Variants in EPHA6 observed in about 807,000 individuals in gnomAD.
EPHA6 encodes the protein ephrin type-A receptor 6.
Under a neutral mutation model 112.0 loss-of-function variants are expected in EPHA6, and 50 were observed. That is an observed-to-expected ratio of 0.45 (90% CI 0.36 to 0.56). The LOEUF (loss-of-function observed/expected upper bound fraction) is 0.56. EPHA6 is among the 20% of genes least tolerant of loss of function. The probability of loss-of-function intolerance (pLI) is 0.00; values close to 1 mark genes in which losing one functional copy is unlikely to be tolerated. For synonymous variants in EPHA6, 529 were observed against 490.7 expected (o/e 1.08, Z -1.03); for missense variants, 1,280 against 1,417.4 (o/e 0.90, Z 1.56).
chr3:97,489,011 G>C (rs549070910), intron 10 of EPHA6, among the ~76,000 whole-genome samples: 3 of 152,298 alleles, frequency 2.0e-5, no homozygotes, highest in South Asian at 4.1e-4. Flanking sequence ...TCACAGCTTT[G>C]CTACTAGCTC....
At chr3:97,380,378 T>C (rs2085655356) in intron 5 of EPHA6, among the ~76,000 whole-genome samples, 1 of 152,188 alleles carries the variant, frequency 6.6e-6, no homozygotes. Flanking sequence ...TGGAAGTCAC[T>C]GACCACTTGA....
At chr3:97,318,582 G>T (rs879632683) in intron 5 of EPHA6, among the ~76,000 whole-genome samples, 1 of 151,842 alleles carries the variant, frequency 6.6e-6, no homozygotes, top group African/African-American at 2.4e-5. Context: ...ATATTTTTCA[G>T]TTACTACCTT....
chr3:97,756,882 T>C lies in EPHA6; in HGVS notation c.*8181T>C, dbSNP rs555776521. Among the ~76,000 whole-genome samples, 76 of 152,006 alleles carry C rather than the reference T, an allele frequency of 5.0e-4. No individual in the cohort carries two copies. Among genetic ancestry groups the C allele is most frequent in the African/African-American group, 1.7e-3 (72 of 41,560 alleles). On this transcript the variant is annotated 3_prime_UTR_variant, in exon 18 of 18. Coordinates refer to ENST00000389672, the MANE Select transcript of EPHA6 (RefSeq NM_001080448.3). Reference sequence around the variant, plus strand: ...CCTTGGATTGTGACATTGAAAAACATTGAATATATACAGGATATAAATATC... The same window carrying C: ...CCTTGGATTGTGACATTGAAAAACACTGAATATATACAGGATATAAATATC...
chr3:97,039,626 GGCATTTTACTTTTA>G (rs2045243931), intron 3 of EPHA6, among the ~76,000 whole-genome samples: 1 of 151,684 alleles, frequency 6.6e-6, no homozygotes, highest in Admixed American at 6.6e-5. Flanking sequence ...CTTAATTTGG[GGCATTTTACTTTTA>G]GCTTGTAATT....
At chr3:97,539,242 G>C (rs989213415) in intron 11 of EPHA6, among the ~76,000 whole-genome samples, 2 of 150,442 alleles carry the variant, frequency 1.3e-5, no homozygotes, top group African/African-American at 4.9e-5. Context: ...TTGCCTCCCT[G>C]GTTCAAGCAA....
chr3:97,079,163 T>C (rs966026646), intron 3 of EPHA6, among the ~76,000 whole-genome samples: 1 of 152,088 alleles, frequency 6.6e-6, no homozygotes, highest in Non-Finnish European at 1.5e-5. Flanking sequence ...ATATGTTCAT[T>C]GCAACACTGT....
intron 5 of EPHA6, among the ~76,000 whole-genome samples, chr3:97,301,059 T>G (rs1576884778): frequency 6.6e-6 from 1 of 152,268 alleles, no homozygotes; most frequent in South Asian, 2.1e-4. Context: ...ATTCTCATTT[T>G]CAGCTTCTGT....
At chr3:97,058,229 G>T (rs1389409096) in intron 3 of EPHA6, among the ~76,000 whole-genome samples, 1 of 151,774 alleles carries the variant, frequency 6.6e-6, no homozygotes, top group Non-Finnish European at 1.5e-5. Flanking sequence ...TATATATAAA[G>T]CCAACCAGTG....
intron 3 of EPHA6, among the ~76,000 whole-genome samples, chr3:97,178,509 C>T (rs2076898366): frequency 6.6e-6 from 1 of 151,976 alleles, no homozygotes; most frequent in Non-Finnish European, 1.5e-5. Context: ...TGCAGTGCTC[C>T]CTTTAGCATT....
At position 97,492,688 on chromosome 3, in the gene EPHA6, A is replaced by G. The variant is rs568497770; in HGVS notation, c.2200+8629A>G. 1.1e-4 allele frequency among the ~76,000 whole-genome samples: 17 copies of G among 151,642 alleles called. 1 individual carries two copies. The South Asian group carries it at 3.6e-3, about 32-fold the overall frequency. ...GAGGAAAGAAAGGACAAGATAGATA[A>G]TAAGTGAAGAAAACATGCAAATAAA... On this transcript the variant is annotated intron_variant, in intron 10 of 17. Transcript: ENST00000389672.
At chr3:97,706,827 C>A (rs369337620) in intron 14 of EPHA6, among the ~76,000 whole-genome samples, 54 of 151,006 alleles carry the variant, frequency 3.6e-4, no homozygotes, top group African/African-American at 1.3e-3. Flanking sequence ...CTGGTACAAA[C>A]TTCTGTTAGA....
At chr3:96,993,120 T>G (rs2043275711) in intron 3 of EPHA6, among the ~76,000 whole-genome samples, 1 of 152,122 alleles carries the variant, frequency 6.6e-6, no homozygotes, top group Non-Finnish European at 1.5e-5. Flanking sequence ...GTATTTTAGA[T>G]CTGGAAGGCC....
chr3:97,654,090 T>G (rs1325355834), intron 14 of EPHA6, among the ~76,000 whole-genome samples: 1 of 151,968 alleles, frequency 6.6e-6, no homozygotes, highest in Non-Finnish European at 1.5e-5. Context: ...CTATATTGTA[T>G]GCTAGAAATT....
intron 14 of EPHA6, among the ~76,000 whole-genome samples, chr3:97,711,409 ATATAT>A (rs2033961962): frequency 1.4e-5 from 2 of 145,666 alleles, no homozygotes; most frequent in South Asian, 4.4e-4. Context: ...AACCATTAGG[ATATAT>A]ATATATATAT....
intron 4 of EPHA6, among the ~76,000 whole-genome samples, chr3:97,237,036 C>T (rs1025004944): frequency 2.0e-5 from 3 of 151,842 alleles, no homozygotes; most frequent in African/African-American, 7.3e-5. Context: ...ACCATTTTGG[C>T]CCTCTTGCTT....
intron 3 of EPHA6, among the ~76,000 whole-genome samples, chr3:97,158,769 G>A (rs1005533539): frequency 6.6e-6 from 1 of 152,122 alleles, no homozygotes; most frequent in African/African-American, 2.4e-5. Context: ...AGACAAATTG[G>A]ACCAGGGGAA....
At chr3:97,065,039 C>A (rs1267121784) in intron 3 of EPHA6, among the ~76,000 whole-genome samples, 1 of 151,908 alleles carries the variant, frequency 6.6e-6, no homozygotes, top group Non-Finnish European at 1.5e-5. Context: ...AATTTGCTGC[C>A]GATAGAAAAT....
chr3:97,495,417 T>C (rs1355185363), intron 10 of EPHA6, among the ~76,000 whole-genome samples: 1 of 151,752 alleles, frequency 6.6e-6, no homozygotes, highest in Non-Finnish European at 1.5e-5. Context: ...TACTAGAATA[T>C]ATGATATATT....
intron 3 of EPHA6, among the ~76,000 whole-genome samples, chr3:97,065,230 G>A (rs548585609): frequency 1.1e-3 from 165 of 152,108 alleles, no homozygotes; most frequent in African/African-American, 3.8e-3. Context: ...TCTTTAAAGG[G>A]ATTTAGCTAT....
Sources: allele counts gnomAD v4.1 joint callset (sites outside exome capture counted in the v4.1 genomes callset), GRCh38; gene constraint gnomAD v4.1.1; transcripts MANE v1.5; gene names NCBI Gene and HGNC (gene_info 2026-07-23, HGNC 2026-07-21).